The following GPR158 variants were observed in gnomAD, a reference collection of about 807,000 sequenced individuals.
GPR158 encodes the protein metabotropic glycine receptor.
Under a neutral mutation model 78.2 loss-of-function variants are expected in GPR158, and 30 were observed. That is an observed-to-expected ratio of 0.38 (90% CI 0.29 to 0.52). The LOEUF (loss-of-function observed/expected upper bound fraction) is 0.52. Ranked by LOEUF, GPR158 falls within the 20% of genes least tolerant of loss-of-function variation. The pLI, the probability that GPR158 is intolerant of heterozygous loss-of-function variation, is 0.83. For missense variants in GPR158, 1,463 were observed against 1,523.5 expected, an observed-to-expected ratio of 0.96 and a Z score of 0.66; for synonymous variants, 581 against 591.1, an observed-to-expected ratio of 0.98 and a Z score of 0.25.
rs1836018784 is a variant in GPR158 at position 25,506,807 on chromosome 10, T to C, written c.1404+40088T>C. Among the ~76,000 whole-genome samples the C allele has an allele frequency of 2.0e-5, 3 of 152,230 alleles. No homozygotes were observed. The South Asian group carries it at 6.2e-4, about 32-fold the overall frequency. On this transcript the variant is annotated intron_variant, in intron 5 of 10. Transcript: ENST00000376351. Reference sequence around the variant, plus strand: ...GAAGAGTAGCTGGGAGAGTATATTTTTCTTATTTCTTGCAACTTAGCTTTT... The same window carrying C: ...GAAGAGTAGCTGGGAGAGTATATTTCTCTTATTTCTTGCAACTTAGCTTTT...
At chr10:25,217,530 G>A (rs894228892) in intron 1 of GPR158, among the ~76,000 whole-genome samples, 2 of 152,148 alleles carry the variant, frequency 1.3e-5, no homozygotes, top group East Asian at 3.9e-4. Context: ...TCTTTACTTG[G>A]AGCAATGCCA....
chr10:25,425,522 A>G (rs1279301664), intron 4 of GPR158, among the ~76,000 whole-genome samples: 1 of 151,926 alleles, frequency 6.6e-6, no homozygotes, highest in Non-Finnish European at 1.5e-5. Flanking sequence ...AGAACCCAAA[A>G]GCAAAAGCAA....
chr10:25,410,574 CCACTG>C (rs1834570136), intron 3 of GPR158, among the ~76,000 whole-genome samples: 1 of 152,228 alleles, frequency 6.6e-6, no homozygotes, highest in South Asian at 2.1e-4. Flanking sequence ...CGAGATGATG[CCACTG>C]CACTCCAGCT....
chr10:25,271,580 C>T (rs1333661247), intron 2 of GPR158, among the ~76,000 whole-genome samples: 10 of 152,076 alleles, frequency 6.6e-5, no homozygotes, highest in Admixed American at 6.6e-4. Context: ...TATGGCAGTT[C>T]GAAGTTAAGG....
chr10:25,413,155 T>TA (rs1186165759), intron 4 of GPR158, among the ~76,000 whole-genome samples: 1 of 146,352 alleles, frequency 6.8e-6, no homozygotes, highest in African/African-American at 2.7e-5. Flanking sequence ...ACCCTGTCTC[T>TA]ACAAAAAAAA....
chr10:25,361,221 A>G (rs749944006), intron 2 of GPR158, among the ~76,000 whole-genome samples: 10 of 151,986 alleles, frequency 6.6e-5, no homozygotes, highest in African/African-American at 1.4e-4. Flanking sequence ...TTCACATAGC[A>G]TAATGTCCTC....
At chr10:25,509,122 GGC>G (rs1442324081) in intron 5 of GPR158, among the ~76,000 whole-genome samples, 2 of 152,122 alleles carry the variant, frequency 1.3e-5, no homozygotes, top group African/African-American at 4.8e-5. Context: ...CAGCATCTCT[GGC>G]AACCACCCAC....
chr10:25,320,258 T>G (rs1854928127), intron 2 of GPR158, among the ~76,000 whole-genome samples: 1 of 152,212 alleles, frequency 6.6e-6, no homozygotes, highest in Non-Finnish European at 1.5e-5. Flanking sequence ...ACTTCTGTAG[T>G]CCTTAATAGT....
At chr10:25,218,958 T>C (rs1853259165) in intron 1 of GPR158, among the ~76,000 whole-genome samples, 1 of 152,212 alleles carries the variant, frequency 6.6e-6, no homozygotes, top group Non-Finnish European at 1.5e-5. Context: ...GTGTTCCTGC[T>C]TACTGATGCC....
intron 2 of GPR158, among the ~76,000 whole-genome samples, chr10:25,225,952 A>G (rs1490586741): frequency 1.3e-5 from 2 of 152,196 alleles, no homozygotes; most frequent in African/African-American, 4.8e-5. Context: ...CTTACATACC[A>G]AATGTAACTT....
intron 2 of GPR158, among the ~76,000 whole-genome samples, chr10:25,245,551 A>T (rs530045753): frequency 2.6e-5 from 4 of 152,250 alleles, no homozygotes; most frequent in African/African-American, 7.2e-5. Flanking sequence ...TGGGTGTAAG[A>T]CTGTGATTCT....
At chr10:25,287,986 T>G (rs1273005301) in intron 2 of GPR158, among the ~76,000 whole-genome samples, 3 of 149,558 alleles carry the variant, frequency 2.0e-5, no homozygotes, top group Non-Finnish European at 4.4e-5. Flanking sequence ...TTAGCTCATG[T>G]GGAACTCCCA....
At chr10:25,479,261 CTA>C (rs1835630492) in intron 5 of GPR158, among the ~76,000 whole-genome samples, 1 of 151,908 alleles carries the variant, frequency 6.6e-6, no homozygotes, top group Non-Finnish European at 1.5e-5. Context: ...TTTTATTTAG[CTA>C]TATGTTTCAA....
At chr10:25,517,726 T>C (rs1444016466) in intron 5 of GPR158, among the ~76,000 whole-genome samples, 4 of 150,936 alleles carry the variant, frequency 2.7e-5, no homozygotes, top group Non-Finnish European at 4.4e-5. Flanking sequence ...TGAAGCCCAC[T>C]TGATCATGGT....
chr10:25,240,638 C>G (rs1170558604), intron 2 of GPR158, among the ~76,000 whole-genome samples: 1 of 149,168 alleles, frequency 6.7e-6, no homozygotes, highest in Non-Finnish European at 1.5e-5. Flanking sequence ...GCTGATAGAA[C>G]GAATAGATGG....
chr10:25,556,519 C>T (rs1340192215), intron 6 of GPR158, among the ~76,000 whole-genome samples: 1 of 152,186 alleles, frequency 6.6e-6, no homozygotes, highest in Non-Finnish European at 1.5e-5. Flanking sequence ...ATGGAGGTTT[C>T]TGTCTTTACT....
At chr10:25,190,330 GTTA>G (rs200716210) in intron 1 of GPR158, among the ~76,000 whole-genome samples, 2 of 151,416 alleles carry the variant, frequency 1.3e-5, no homozygotes, top group Non-Finnish European at 1.5e-5. Flanking sequence ...CATAGACATT[GTTA>G]TTATTATTAT....
In GPR158 at chr10:25,598,579, A is replaced by G. The variant is rs1260877137; in HGVS notation, c.2953A>G (p.Thr985Ala). 1.2e-6 allele frequency: 2 copies of G among 1,613,898 alleles called. No homozygotes were observed. Among genetic ancestry groups the G allele is most frequent in the Non-Finnish European group, 1.7e-6 (2 of 1,179,992 alleles). Reference protein sequence around the residue: ...IMKQQRVNPTTANSDLNPGTT... With the variant: ...IMKQQRVNPTAANSDLNPGTT... The stretch of plus-strand genomic sequence containing the variant: ...GAAACAACAAAGGGTCAACCCCACC[A>G]CTGCCAATTCTGACCTGAACCCAGG... The change falls in exon 11 of 11, where the codon ACT (threonine) becomes GCT (alanine). Residue 985 changes from threonine (T) to alanine (A), a missense_variant. Physicochemically the swap from Thr to Ala is moderately conservative, Grantham distance 58. Coordinates refer to ENST00000376351, the MANE Select transcript of GPR158 (RefSeq NM_020752.3).
At chr10:25,331,967 G>C (rs1855130331) in intron 2 of GPR158, among the ~76,000 whole-genome samples, 1 of 151,694 alleles carries the variant, frequency 6.6e-6, no homozygotes, top group Admixed American at 6.6e-5. Context: ...AAAGTTAAAA[G>C]AATATATAAA....
Sources: allele counts gnomAD v4.1 joint callset (sites outside exome capture counted in the v4.1 genomes callset), GRCh38; gene constraint gnomAD v4.1.1; transcripts MANE v1.5; gene names NCBI Gene and HGNC (gene_info 2026-07-23, HGNC 2026-07-21).